Variants in RGL1 observed in about 807,000 individuals in gnomAD.
RGL1 encodes the protein ral guanine nucleotide dissociation stimulator-like 1.
A neutral mutation model predicts 95.2 loss-of-function variants in RGL1; 24 were observed. The ratio of observed to expected loss-of-function variants is 0.25; its 90% CI spans 0.18 to 0.35. The LOEUF is 0.35. Ranked by LOEUF, RGL1 falls within the 10% of genes least tolerant of loss-of-function variation. The pLI is 1.00. For missense variants in RGL1, 715 were observed against 936.3 expected (o/e 0.76, Z 3.08); for synonymous variants, 329 against 344.9 (o/e 0.95, Z 0.51).
At chr1:183,821,408 A>T (rs1489498413) in intron 2 of RGL1, among the ~76,000 whole-genome samples, 3 of 152,206 alleles carry the variant, frequency 2.0e-5, no homozygotes, top group Admixed American at 6.5e-5. Context: ...TAAAGTATGC[A>T]TGTGTGGACT....
At chr1:183,846,369 A>G (rs540335180) in intron 2 of RGL1, among the ~76,000 whole-genome samples, 1 of 152,026 alleles carries the variant, frequency 6.6e-6, no homozygotes, top group Admixed American at 6.6e-5. Flanking sequence ...CAGAGAGGGG[A>G]ACGTCACACA....
intron 2 of RGL1, among the ~76,000 whole-genome samples, chr1:183,748,546 C>T (rs989126356): frequency 6.6e-6 from 1 of 151,958 alleles, no homozygotes; most frequent in African/African-American, 2.4e-5. Context: ...GCTGGGACTA[C>T]AGGTGCCCGC....
chr1:183,724,729 G>A lies in RGL1; in HGVS notation c.-32-17397G>A, dbSNP rs1656211077. ...GATGGTATCTCTGGACCTGCCTGGG[G>A]CCTGGGGGGAGCTTGCCATCCTTAA... On this transcript the variant is annotated intron_variant, in intron 1 of 18. Coordinates refer to the RGL1 transcript ENST00000304685. The surrounding 1 kb of genome is among the most constrained non-coding windows in gnomAD (Gnocchi z 4.1). Among the ~76,000 whole-genome samples, 1 of 152,120 alleles carries A rather than the reference G, an allele frequency of 6.6e-6. No homozygotes were observed. Among genetic ancestry groups the A allele is most frequent in the Admixed American group, 6.5e-5 (1 of 15,268 alleles).
chr1:183,803,900 CGTTT>C (rs1421511205), upstream of RGL1, among the ~76,000 whole-genome samples: 1 of 152,116 alleles, frequency 6.6e-6, no homozygotes, highest in Non-Finnish European at 1.5e-5. Context: ...GTTTTTCGTT[CGTTT>C]GTTTTTTAAA....
chr1:183,661,351 C>A, intron 1 of RGL1, among the ~76,000 whole-genome samples: 1 of 151,946 alleles, frequency 6.6e-6, no homozygotes, highest in East Asian at 1.9e-4. Context: ...ATCAAATAGA[C>A]GCAATAAAAA....
intron 4 of RGL1, among the ~76,000 whole-genome samples, chr1:183,875,241 G>A (rs1666419927): frequency 6.6e-6 from 1 of 152,162 alleles, no homozygotes; most frequent in African/African-American, 2.4e-5. Flanking sequence ...TTTTGTCACG[G>A]TAATCCTATT....
chr1:183,819,640 G>T (rs1662319122), intron 2 of RGL1, among the ~76,000 whole-genome samples: 1 of 152,056 alleles, frequency 6.6e-6, no homozygotes, highest in Admixed American at 6.6e-5. Flanking sequence ...TAAGTGTTCT[G>T]ATGGCTTCTG....
In RGL1 at chr1:183,798,914, T is replaced by C. The variant is rs138108533; in HGVS notation, c.133-7461T>C. On this transcript the variant is annotated intron_variant, in intron 2 of 18. Coordinates refer to the RGL1 transcript ENST00000304685. ...TTTTTTTTTTTTGACGGAGTCTTGC[T>C]CTGTCGCCCAGGCTGAGTCTTGCTC... 1.9e-3 allele frequency among the ~76,000 whole-genome samples: 261 copies of C among 139,712 alleles called. 7 individuals are homozygous for C. In the East Asian group the frequency reaches 0.044, roughly 24 times the overall value. The allele number at this position is 139,712 out of a possible 152,430, so 91.7% of individuals were successfully genotyped here.
chr1:183,658,606 C>G (rs1174827271), intron 1 of RGL1, among the ~76,000 whole-genome samples: 1 of 152,094 alleles, frequency 6.6e-6, no homozygotes, highest in Admixed American at 6.5e-5. Context: ...CTGCCTGCCT[C>G]TGTAGGCTCC....
intron 10 of RGL1, 37 bp from the exon 11 acceptor site, chr1:183,900,113 T>C (rs763818506): frequency 1.7e-5 from 27 of 1,560,414 alleles, no homozygotes; most frequent in Non-Finnish European, 2.2e-5. Flanking sequence ...AACTTTTCAA[T>C]GACAATAAAG....
At chr1:183,763,788 T>C (rs1658826416) in intron 2 of RGL1, among the ~76,000 whole-genome samples, 1 of 152,232 alleles carries the variant, frequency 6.6e-6, no homozygotes, top group Non-Finnish European at 1.5e-5. Flanking sequence ...AAGCAATAGA[T>C]GTAGACTTTT....
intron 4 of RGL1, among the ~76,000 whole-genome samples, chr1:183,873,317 A>G (rs1314841047): frequency 6.6e-6 from 1 of 152,212 alleles, no homozygotes; most frequent in Non-Finnish European, 1.5e-5. Flanking sequence ...TGCCACCACC[A>G]TTGGCTACAA....
chr1:183,801,794 G>C (rs574777738), upstream of RGL1, among the ~76,000 whole-genome samples: 39 of 152,326 alleles, frequency 2.6e-4, no homozygotes, highest in Non-Finnish European at 5.1e-4. Context: ...CGCATGCAGA[G>C]ATCACATGGT....
intron 1 of RGL1, among the ~76,000 whole-genome samples, chr1:183,685,437 A>C (rs1253372448): frequency 6.6e-6 from 1 of 152,224 alleles, no homozygotes; most frequent in Admixed American, 6.5e-5. Context: ...GGGTTTATAT[A>C]ATCAGAGGAG....
At chr1:183,925,130 A>C (rs555783746) in intron 17 of RGL1, among the ~76,000 whole-genome samples, 1 of 152,330 alleles carries the variant, frequency 6.6e-6, no homozygotes, top group East Asian at 1.9e-4. Context: ...TTAAATATTA[A>C]AAGAAGGGGA....
chr1:183,810,498 G>C (rs1661636038), intron 2 of RGL1, among the ~76,000 whole-genome samples: 1 of 152,206 alleles, frequency 6.6e-6, no homozygotes, highest in South Asian at 2.1e-4. Flanking sequence ...GTGGGACTGA[G>C]TTGAAATGCA....
At chr1:183,747,634 AT>A (rs1286912885) in intron 2 of RGL1, among the ~76,000 whole-genome samples, 6 of 152,160 alleles carry the variant, frequency 3.9e-5, no homozygotes, top group African/African-American at 1.4e-4. Context: ...GAAGCTCTAC[AT>A]TTATTGATTT....
chr1:183,647,869 G>A (rs777809301), intron 1 of RGL1: 2 of 1,614,150 alleles, frequency 1.2e-6, no homozygotes, highest in Admixed American at 3.3e-5. Flanking sequence ...TGGCCCATAT[G>A]CATTGGTGGT....
At chr1:183,806,319 G>T (rs1661332549) in intron 1 of RGL1, 56 bp from the exon 2 acceptor site, 2 of 1,382,616 alleles carry the variant, frequency 1.4e-6, no homozygotes, top group African/African-American at 1.4e-5. Flanking sequence ...ATAGATTGTG[G>T]TTAGCAGAGA....
Sources: gnomAD v4.1 joint callset for allele counts (sites outside exome capture counted in the v4.1 genomes callset) on GRCh38, gnomAD v4.1.1 for gene constraint, Gnocchi (gnomAD v3.1) non-coding constraint, MANE v1.5 for transcripts, NCBI Gene and HGNC (gene_info 2026-07-23, HGNC 2026-07-21) for gene names.